DLGAP1: variants seen among roughly 807,000 people sequenced by gnomAD.
DLGAP1 encodes the protein DLG associated protein 1.
DLGAP1 carries 11 observed loss-of-function variants against 90.8 expected under a neutral mutation model. That is an observed-to-expected ratio of 0.12 (90% CI 0.08 to 0.20). DLGAP1 has a LOEUF of 0.20. DLGAP1 is among the 10% of genes least tolerant of loss of function. The pLI, the probability that DLGAP1 is intolerant of heterozygous loss-of-function variation, is 1.00. For missense variants in DLGAP1, 1,050 were observed against 1,333.8 expected (o/e 0.79, Z 3.31); for synonymous variants, 558 against 540.7 (o/e 1.03, Z -0.44).
intron 7 of DLGAP1, among the ~76,000 whole-genome samples, chr18:3,723,593 G>A (rs2062053971): frequency 6.6e-6 from 1 of 152,084 alleles, no homozygotes; most frequent in African/African-American, 2.4e-5. Context: ...AGGTGTGTGG[G>A]ATTGGAGTGT....
At chr18:3,541,846 T>G (rs2052709881) in intron 9 of DLGAP1, among the ~76,000 whole-genome samples, 1 of 152,080 alleles carries the variant, frequency 6.6e-6, no homozygotes, top group South Asian at 2.1e-4. Flanking sequence ...AGGAAGATTT[T>G]AAAAACTCAG....
In DLGAP1 at chr18:3,720,888, C is replaced by CCAAAAAAAAAA. The variant is rs1441095000; in HGVS notation, c.1591+8246_1591+8247insTTTTTTTTTTG. ...GCAACATACTAAGACCTTGTCTCTA[C>CCAAAAAAAAAA]AAAAAAAAAAAAAAAAAAAAATTAG... is the stretch of plus-strand genomic sequence containing the variant. On this transcript the variant is annotated intron_variant, in intron 7 of 12. Coordinates refer to ENST00000315677, the MANE Select transcript of DLGAP1 (RefSeq NM_004746.4). 9.5e-4 allele frequency among the ~76,000 whole-genome samples: 48 copies of CCAAAAAAAAAA among 50,290 alleles called. 3 individuals carry two copies. The highest frequency in any genetic ancestry group is 3.7e-3 in the African/African-American group (46 of 12,472). The allele number at this position is 50,290 out of a possible 152,430, so 33.0% of individuals were successfully genotyped here.
At chr18:3,751,323 G>A (rs1399675221) in intron 5 of DLGAP1, among the ~76,000 whole-genome samples, 3 of 152,012 alleles carry the variant, frequency 2.0e-5, no homozygotes, top group East Asian at 1.9e-4. Context: ...TTGAGTCAGG[G>A]TCTCACTCTG....
At chr18:3,546,110 T>C (rs1002058676) in intron 9 of DLGAP1, among the ~76,000 whole-genome samples, 2 of 152,152 alleles carry the variant, frequency 1.3e-5, no homozygotes, top group African/African-American at 2.4e-5. Flanking sequence ...ACTGACCTTA[T>C]TGGCATTTAT....
At chr18:3,613,181 G>A (rs901098309) in intron 7 of DLGAP1, among the ~76,000 whole-genome samples, 2 of 152,054 alleles carry the variant, frequency 1.3e-5, no homozygotes, top group African/African-American at 4.8e-5. Flanking sequence ...AATTAGATTA[G>A]GAAGTAGGTT....
intron 1 of DLGAP1, among the ~76,000 whole-genome samples, chr18:4,396,099 A>C (rs1230042373): frequency 2.0e-5 from 3 of 152,206 alleles, no homozygotes; most frequent in Non-Finnish European, 2.9e-5. Flanking sequence ...TGTTTGAAAG[A>C]TACTGTTAGT....
intron 7 of DLGAP1, among the ~76,000 whole-genome samples, chr18:3,629,855 T>C (rs1340649334): frequency 6.6e-6 from 1 of 152,170 alleles, no homozygotes. Flanking sequence ...AGGGCAAAGT[T>C]TGAACACAAT....
intron 7 of DLGAP1, among the ~76,000 whole-genome samples, chr18:3,683,560 G>T (rs34186611): frequency 1.3e-5 from 2 of 152,056 alleles, no homozygotes; most frequent in Admixed American, 1.3e-4. Flanking sequence ...AAAAACCAAG[G>T]ATGAAATAAT....
At chr18:4,145,970 G>A (rs766045221) in intron 2 of DLGAP1, among the ~76,000 whole-genome samples, 18 of 152,108 alleles carry the variant, frequency 1.2e-4, no homozygotes, top group Non-Finnish European at 2.5e-4. Context: ...GAGCTATCCC[G>A]TGTAGATAAA....
intron 7 of DLGAP1, among the ~76,000 whole-genome samples, chr18:3,624,630 CTACT>C (rs1383968602): frequency 2.6e-5 from 4 of 152,282 alleles, no homozygotes; most frequent in South Asian, 4.1e-4. Flanking sequence ...AAGGAAAAGC[CTACT>C]TACTTTTCCC....
At chr18:4,251,069 T>C (rs1208230058) in intron 1 of DLGAP1, among the ~76,000 whole-genome samples, 1 of 152,148 alleles carries the variant, frequency 6.6e-6, no homozygotes, top group Non-Finnish European at 1.5e-5. Flanking sequence ...TATTAGAGAA[T>C]TGAAAACCCT....
chr18:4,073,504 G>C (rs943564742), intron 2 of DLGAP1, among the ~76,000 whole-genome samples: 1 of 152,168 alleles, frequency 6.6e-6, no homozygotes, highest in African/African-American at 2.4e-5. Flanking sequence ...GTCACCTTCA[G>C]GCAGTGCTAT....
At position 3,523,715 on chromosome 18, in the gene DLGAP1, C is replaced by CAG. The variant is rs1568127641; in HGVS notation, c.2479+10478_2479+10479insCT. 6.6e-5 allele frequency among the ~76,000 whole-genome samples: 10 copies of CAG among 152,006 alleles called. 1 individual carries two copies. Among genetic ancestry groups the CAG allele is most frequent in the African/African-American group, 2.2e-4 (9 of 41,490 alleles). On this transcript the variant is annotated intron_variant, in intron 10 of 12. Transcript: ENST00000315677. ...ACAAAAAATTAGCCAGGCGTGGTGG[C>CAG]GTGCGCCCGTAGTCCCAGCTACACT... is the stretch of plus-strand genomic sequence containing the variant.
At chr18:3,549,879 A>G (rs1418753468) in intron 9 of DLGAP1, among the ~76,000 whole-genome samples, 1 of 152,000 alleles carries the variant, frequency 6.6e-6, no homozygotes, top group South Asian at 2.1e-4. Flanking sequence ...GTATTTGGAG[A>G]TAGGACCTTT....
chr18:3,913,716 C>T (rs1315029445), intron 3 of DLGAP1, among the ~76,000 whole-genome samples: 1 of 152,148 alleles, frequency 6.6e-6, no homozygotes, highest in Non-Finnish European at 1.5e-5. Flanking sequence ...CTAAGTTTCA[C>T]TCTTTAGTTA....
intron 3 of DLGAP1, among the ~76,000 whole-genome samples, chr18:3,952,210 A>G (rs751695658): frequency 9.9e-5 from 15 of 152,244 alleles, no homozygotes; most frequent in Admixed American, 2.6e-4. Context: ...TTGGGGAAGA[A>G]AAAAGCATTT....
intron 1 of DLGAP1, among the ~76,000 whole-genome samples, chr18:4,197,264 C>G (rs1034307146): frequency 7.0e-6 from 1 of 143,836 alleles, no homozygotes; most frequent in African/African-American, 2.6e-5. Context: ...CAAATGAGAA[C>G]TATTCAAATA....
At chr18:3,937,226 C>T (rs1004109655) in intron 3 of DLGAP1, among the ~76,000 whole-genome samples, 1 of 152,182 alleles carries the variant, frequency 6.6e-6, no homozygotes, top group Non-Finnish European at 1.5e-5. Flanking sequence ...AGTCTGTTCT[C>T]AGGCTGCTAA....
chr18:3,878,166 T>A (rs1412837422), intron 4 of DLGAP1: 6 of 151,618 alleles, frequency 4.0e-5, no homozygotes, highest in Admixed American at 3.9e-4. Context: ...TCAGTAATTT[T>A]TTTTTTTTTT....
Sources: gnomAD v4.1 joint callset for allele counts (sites outside exome capture counted in the v4.1 genomes callset) on GRCh38, gnomAD v4.1.1 for gene constraint, MANE v1.5 for transcripts, NCBI Gene and HGNC (gene_info 2026-07-23, HGNC 2026-07-21) for gene names.